ADGRD1: variants seen among roughly 807,000 people sequenced by gnomAD.
The protein encoded by ADGRD1 is adhesion G protein-coupled receptor D1.
ADGRD1 carries 77 observed loss-of-function variants against 113.4 expected under a neutral mutation model. The observed-to-expected ratio is 0.68, with a 90% CI of 0.57 to 0.82. The LOEUF (loss-of-function observed/expected upper bound fraction) is 0.82, where lower values mean the gene tolerates loss of function less well. Among genes scored for constraint, ADGRD1 ranks in the 40% least tolerant of loss-of-function variants. The pLI is 0.00. For missense variants in ADGRD1, 1,036 were observed against 1,139.1 expected (o/e 0.91, Z 1.30); for synonymous variants, 474 against 475.0 (o/e 1.00, Z 0.03).
intron 8 of ADGRD1, among the ~76,000 whole-genome samples, chr12:130,992,908 G>A (rs1223549209): frequency 6.6e-6 from 1 of 152,152 alleles, no homozygotes; most frequent in Non-Finnish European, 1.5e-5. Flanking sequence ...AGGGTGGATC[G>A]TGGGCTCTCG....
chr12:131,038,803 G>A (rs748107413), intron 13 of ADGRD1, among the ~76,000 whole-genome samples: 5 of 152,208 alleles, frequency 3.3e-5, no homozygotes, highest in Non-Finnish European at 7.3e-5. Flanking sequence ...CCCTAGACCC[G>A]TCCTGTCCCC....
Position 130,954,270 on chromosome 12 carries a change from A to T in ADGRD1, c.-196A>T. On this transcript the variant is annotated 5_prime_UTR_variant, in exon 1 of 25. Transcript: ENST00000261654. The surrounding 1 kb of genome is among the most constrained non-coding windows in gnomAD (Gnocchi z 4.7). The stretch of plus-strand genomic sequence containing the variant: ...TGTTTATTGATCACTGAAGAATCTC[A>T]AGTTTTGAGACGAGGAAGAAACACC... The T allele has an allele frequency of 2.0e-6, 1 of 507,624 alleles. No individual in the cohort carries two copies. The highest frequency in any genetic ancestry group is 3.4e-6 in the Non-Finnish European group (1 of 290,948). 31.4% of individuals were successfully genotyped at this position (507,624 alleles called of 1,614,324 possible).
intron 19 of ADGRD1, among the ~76,000 whole-genome samples, chr12:131,119,213 G>A (rs960191470): frequency 1.3e-5 from 2 of 152,248 alleles, no homozygotes; most frequent in African/African-American, 4.8e-5. Flanking sequence ...AGGAAGTTGA[G>A]CATTTTCACA....
chr12:131,108,779 C>T lies in ADGRD1; in HGVS notation c.1943C>T (p.Ala648Val), dbSNP rs757758847. 3 of 1,614,064 alleles carry T rather than the reference C, an allele frequency of 1.9e-6. No homozygotes were observed. Among genetic ancestry groups the T allele is most frequent in the Admixed American group, 1.7e-5 (1 of 60,006 alleles). The change falls in exon 18 of 25, where the codon GCA (alanine) becomes GTA (valine). Residue 648 changes from alanine (A) to valine (V), a missense_variant. Coordinates refer to ENST00000261654, the MANE Select transcript of ADGRD1 (RefSeq NM_198827.5). ...LLHYFFLSAF[A>V]WMLVEGLHLY... ...CACTACTTCTTCCTGAGTGCCTTCG[C>T]ATGGATGCTGGTGGAGGGGCTGCAC...
At chr12:130,982,108 G>A in intron 5 of ADGRD1, 45 bp downstream of exon 5, 2 of 1,522,220 alleles carry the variant, frequency 1.3e-6, no homozygotes, top group Non-Finnish European at 1.8e-6. Flanking sequence ...TGGAGGAGTG[G>A]AGTCTTCTCT....
intron 13 of ADGRD1, among the ~76,000 whole-genome samples, chr12:131,042,426 C>T (rs1351415622): frequency 1.2e-4 from 18 of 152,204 alleles, no homozygotes; most frequent in Admixed American, 1.2e-3. Context: ...GAAACAGCCT[C>T]ATGGTACACA....
intron 6 of ADGRD1, chr12:130,988,255 C>A (rs1230169387): frequency 1.3e-5 from 2 of 152,148 alleles, no homozygotes; most frequent in Non-Finnish European, 1.5e-5. Context: ...AATTAATATT[C>A]ATCTTTCCCC....
At chr12:131,045,092 T>A (rs763293352) in intron 13 of ADGRD1, among the ~76,000 whole-genome samples, 6 of 152,236 alleles carry the variant, frequency 3.9e-5, no homozygotes, top group Non-Finnish European at 8.8e-5. Context: ...CGAATGCGAA[T>A]GGCTGCTGTC....
At chr12:131,033,665 G>T (rs1453159371) in intron 13 of ADGRD1, among the ~76,000 whole-genome samples, 1 of 152,218 alleles carries the variant, frequency 6.6e-6, no homozygotes, top group African/African-American at 2.4e-5. Flanking sequence ...CCCTGGAGGG[G>T]CAGGCCGTGG....
chr12:131,061,752 G>A (rs908176214), intron 13 of ADGRD1, among the ~76,000 whole-genome samples: 2 of 152,278 alleles, frequency 1.3e-5, no homozygotes, highest in South Asian at 2.1e-4. Flanking sequence ...GATACAGGCC[G>A]TTTTACCAGC....
chr12:130,965,569 G>A lies in ADGRD1; in HGVS notation c.104-894G>A, dbSNP rs1831290985. 1.3e-5 allele frequency among the ~76,000 whole-genome samples: 2 copies of A among 151,942 alleles called. No homozygotes were observed. Among genetic ancestry groups the A allele is most frequent in the South Asian group, 4.2e-4 (2 of 4,808 alleles). On this transcript the variant is annotated intron_variant, in intron 2 of 24. Transcript: ENST00000261654. The surrounding 1 kb of genome is among the most constrained non-coding windows in gnomAD (Gnocchi z 4.8). ...TGTATGCATAAAGCCACTCATGTCA[G>A]CGCCACCTGTACGAATAAGGATGGA...
chr12:131,045,104 A>G (rs959744879), intron 13 of ADGRD1, among the ~76,000 whole-genome samples: 10 of 152,342 alleles, frequency 6.6e-5, no homozygotes, highest in African/African-American at 2.4e-4. Flanking sequence ...GCTGCTGTCC[A>G]GGGGGCCTCC....
At chr12:131,108,615 A>G in intron 17 of ADGRD1, 109 bp from the exon 18 acceptor site, 5 of 1,466,600 alleles carry the variant, frequency 3.4e-6, no homozygotes, top group Non-Finnish European at 4.7e-6. Context: ...AAACATGGTC[A>G]CATGACCAAA....
Position 130,971,357 on chromosome 12 carries a change from T to C in ADGRD1, c.188-101T>C, listed in dbSNP as rs879275631. ...AAATATATACTTAGATAAATAATAATGCATACTTACACATAAGTTATTTGT... is the reference window on the plus strand; with the variant it reads ...AAATATATACTTAGATAAATAATAACGCATACTTACACATAAGTTATTTGT... On this transcript the variant is annotated intron_variant, in intron 3 of 24. Transcript: ENST00000261654. The surrounding 1 kb of genome is among the most constrained non-coding windows in gnomAD (Gnocchi z 4.2). 2.0e-5 allele frequency: 14 copies of C among 684,668 alleles called. No homozygotes were observed. Among genetic ancestry groups the C allele is most frequent in the Non-Finnish European group, 3.3e-5 (14 of 420,784 alleles). The allele number at this position is 684,668 out of a possible 1,614,324, so 42.4% of individuals were successfully genotyped here. A position where few individuals can be genotyped will look rare whatever the true frequency, so the allele number is the denominator to read the frequency against.
chr12:131,101,968 G>T (rs1950098603), intron 15 of ADGRD1, among the ~76,000 whole-genome samples: 1 of 152,040 alleles, frequency 6.6e-6, no homozygotes, highest in Non-Finnish European at 1.5e-5. Flanking sequence ...GCTGTCATTG[G>T]GTCTCTTCCC....
At position 131,057,308 on chromosome 12, in the gene ADGRD1, C is replaced by T. The variant is rs921434651; in HGVS notation, c.1474-19493C>T. 1.2e-4 allele frequency among the ~76,000 whole-genome samples: 18 copies of T among 152,142 alleles called. No individual in the cohort carries two copies. The highest frequency in any genetic ancestry group is 1.9e-4 in the African/African-American group (8 of 41,430). On this transcript the variant is annotated intron_variant, in intron 13 of 24. Transcript: ENST00000261654. The surrounding 1 kb of genome is among the most constrained non-coding windows in gnomAD (Gnocchi z 4.2). Reference sequence around the variant, plus strand: ...CAGTGGTTCCTAATGTGTTGAGACACGCCGCGGACCAGAGAATGCTTGGAA... The same window carrying T: ...CAGTGGTTCCTAATGTGTTGAGACATGCCGCGGACCAGAGAATGCTTGGAA...
chr12:130,971,701 G>A lies in ADGRD1; in HGVS notation c.310+121G>A, dbSNP rs1871684241. 5.7e-6 allele frequency: 6 copies of A among 1,055,456 alleles called. No homozygotes were observed. The highest frequency in any genetic ancestry group is 6.7e-6 in the Non-Finnish European group (5 of 747,140). 65.4% of individuals were successfully genotyped at this position (1,055,456 alleles called of 1,614,324 possible). On this transcript the variant is annotated intron_variant, in intron 4 of 24. Coordinates refer to ENST00000261654, the MANE Select transcript of ADGRD1 (RefSeq NM_198827.5). This position sits in a 1 kb window ranked among gnomAD's most constrained non-coding sequence, Gnocchi z 4.2. Reference sequence around the variant, plus strand: ...CATCAATTGCAGAATGCGTGAGAATGTCAACGATGGATCGGAGGGCAGGGG... The same window carrying A: ...CATCAATTGCAGAATGCGTGAGAATATCAACGATGGATCGGAGGGCAGGGG...
At chr12:131,044,136 A>T (rs529827337) in intron 13 of ADGRD1, among the ~76,000 whole-genome samples, 1 of 152,266 alleles carries the variant, frequency 6.6e-6, no homozygotes, top group Non-Finnish European at 1.5e-5. Context: ...CTCTGTGGGG[A>T]CTTAGAACAG....
intron 5 of ADGRD1, 32 bp from the exon 6 acceptor site, chr12:130,987,063 T>C (rs1547577): frequency 0.98 from 1,578,295 of 1,605,976 alleles, 777,554 homozygotes; most frequent in Non-Finnish European, 0.99. Context: ...ATTCCCACAG[T>C]ACTCAGAATG....
Sources: gnomAD v4.1 joint callset for allele counts (sites outside exome capture counted in the v4.1 genomes callset) on GRCh38, gnomAD v4.1.1 for gene constraint, Gnocchi (gnomAD v3.1) non-coding constraint, MANE v1.5 for transcripts, NCBI Gene and HGNC (gene_info 2026-07-23, HGNC 2026-07-21) for gene names.